STIM1: variants seen among roughly 807,000 people sequenced by gnomAD.
STIM1 encodes the protein stromal interaction molecule 1.
A neutral mutation model predicts 74.7 loss-of-function variants in STIM1; 25 were observed. The observed-to-expected ratio is 0.33, with a 90% CI of 0.24 to 0.47. The LOEUF (loss-of-function observed/expected upper bound fraction) is 0.47, where lower values mean the gene tolerates loss of function less well. Ranked by LOEUF, STIM1 falls within the 20% of genes least tolerant of loss-of-function variation. The pLI is 1.00. For missense variants in STIM1, 728 were observed against 920.8 expected, an observed-to-expected ratio of 0.79 and a Z score of 2.71; for synonymous variants, 328 against 348.8, an observed-to-expected ratio of 0.94 and a Z score of 0.66.
intron 1 of STIM1, among the ~76,000 whole-genome samples, chr11:3,865,328 C>A (rs1026836057): frequency 6.6e-6 from 1 of 152,168 alleles, no homozygotes; most frequent in East Asian, 1.9e-4. Flanking sequence ...GATTCTCATT[C>A]ATATGTTGTT....
chr11:4,016,551 C>T (rs191754874), intron 2 of STIM1, among the ~76,000 whole-genome samples: 24 of 152,332 alleles, frequency 1.6e-4, no homozygotes, highest in African/African-American at 4.8e-4. Context: ...GGAGCTCAAA[C>T]GCTGTGCTGG....
At chr11:3,927,713 G>A (rs2092805887) in intron 1 of STIM1, among the ~76,000 whole-genome samples, 1 of 152,166 alleles carries the variant, frequency 6.6e-6, no homozygotes, top group Admixed American at 6.5e-5. Flanking sequence ...TGGAAGCAGA[G>A]GCATCCTGAT....
chr11:3,893,961 G>A (rs532596777), intron 1 of STIM1, among the ~76,000 whole-genome samples: 1 of 152,180 alleles, frequency 6.6e-6, no homozygotes, highest in South Asian at 2.1e-4. Flanking sequence ...TGTATTTTTT[G>A]TAGAGATGGG....
chr11:3,907,676 G>A (rs1284404443), intron 1 of STIM1, among the ~76,000 whole-genome samples: 2 of 152,134 alleles, frequency 1.3e-5, no homozygotes, highest in Non-Finnish European at 2.9e-5. Context: ...AAATTGTTCA[G>A]TGGCTTTACA....
chr11:3,941,193 A>G (rs7941743), intron 1 of STIM1, among the ~76,000 whole-genome samples: 11,503 of 152,234 alleles, frequency 0.076, 785 homozygotes, highest in East Asian at 0.18. Context: ...TGCCTCTACT[A>G]ATGAACTCTG....
intron 1 of STIM1, among the ~76,000 whole-genome samples, chr11:3,878,273 G>T (rs2091372183): frequency 6.6e-6 from 1 of 152,104 alleles, no homozygotes; most frequent in South Asian, 2.1e-4. Flanking sequence ...CTCTAGGCTA[G>T]GTGCTTTACA....
Position 3,932,113 on chromosome 11 carries a change from C to T in STIM1, c.140-35439C>T, listed in dbSNP as rs957408663. Among the ~76,000 whole-genome samples, 40 of 152,196 alleles carry T rather than the reference C, an allele frequency of 2.6e-4. 2 individuals are homozygous for T. Among genetic ancestry groups the T allele is most frequent in the Non-Finnish European group, 1.0e-4 (7 of 68,032 alleles). The stretch of plus-strand genomic sequence containing the variant: ...AAGGCAGATACCTTGTTCAGCCCGC[C>T]ACTACTGGACCATATCTGTACATAA... On this transcript the variant is annotated intron_variant, in intron 1 of 12. Coordinates refer to ENST00000526596, the MANE Select transcript of STIM1 (RefSeq NM_001382567.1).
At chr11:3,933,309 C>A (rs564356967) in intron 1 of STIM1, among the ~76,000 whole-genome samples, 1 of 152,328 alleles carries the variant, frequency 6.6e-6, no homozygotes, top group African/African-American at 2.4e-5. Context: ...GTTATTGAAA[C>A]ATGGACTGTG....
intron 3 of STIM1, among the ~76,000 whole-genome samples, chr11:4,027,865 A>T (rs1373694475): frequency 6.6e-6 from 1 of 152,120 alleles, no homozygotes; most frequent in African/African-American, 2.4e-5. Context: ...GTGGCTGGGT[A>T]GTTTTGTAGA....
chr11:3,943,866 G>A (rs2093040242), intron 1 of STIM1, among the ~76,000 whole-genome samples: 1 of 152,206 alleles, frequency 6.6e-6, no homozygotes, highest in Non-Finnish European at 1.5e-5. Flanking sequence ...ATGACTTAAA[G>A]AAAACAAATT....
chr11:3,973,145 C>G (rs1565132833), intron 2 of STIM1: 3 of 413,186 alleles, frequency 7.3e-6, no homozygotes, highest in Non-Finnish European at 4.8e-6. Context: ...TCTATAACCA[C>G]TGTTGTTACC....
chr11:3,895,612 T>TTCTCTTTCTTTC (rs71047184), intron 1 of STIM1, among the ~76,000 whole-genome samples: 16 of 32,272 alleles, frequency 5.0e-4, no homozygotes, highest in South Asian at 3.6e-3. Flanking sequence ...TTCTCTCTCT[T>TTCTCTTTCTTTC]TCTTTCTTTC....
chr11:4,086,739 C>T (rs534741528), intron 12 of STIM1, 196 bp downstream of exon 12: 32 of 1,537,564 alleles, frequency 2.1e-5, no homozygotes, highest in Admixed American at 1.4e-4. Context: ...CCTTCACCAC[C>T]GTCCATGTCC....
chr11:4,074,439 C>A, intron 6 of STIM1, 63 bp from the exon 7 acceptor site: 2 of 1,590,274 alleles, frequency 1.3e-6, no homozygotes, highest in South Asian at 1.1e-5. Flanking sequence ...TGCCATGACT[C>A]ATGGCATGTT....
chr11:3,937,134 T>C (rs1269455772), intron 1 of STIM1, among the ~76,000 whole-genome samples: 4 of 151,508 alleles, frequency 2.6e-5, no homozygotes, highest in African/African-American at 7.3e-5. Flanking sequence ...CTACAAAAAA[T>C]ACAAAAATTA....
intron 1 of STIM1, among the ~76,000 whole-genome samples, chr11:3,963,861 T>C (rs1590605642): frequency 6.6e-6 from 1 of 152,174 alleles, no homozygotes; most frequent in Non-Finnish European, 1.5e-5. Context: ...ACTGGTCAGG[T>C]TGATTGGATT....
At chr11:3,884,061 A>T (rs2091616285) in intron 1 of STIM1, among the ~76,000 whole-genome samples, 1 of 152,054 alleles carries the variant, frequency 6.6e-6, no homozygotes, top group Non-Finnish European at 1.5e-5. Context: ...AGGGCAAAGG[A>T]TTAGAGAGTG....
intron 1 of STIM1, among the ~76,000 whole-genome samples, chr11:3,910,837 A>AAT (rs1554956172): frequency 4.0e-5 from 6 of 148,468 alleles, no homozygotes; most frequent in African/African-American, 7.4e-5. Flanking sequence ...AAAAAAAAAA[A>AAT]TATCCGGGCG....
chr11:4,054,624 GA>G (rs1384732613), intron 3 of STIM1, among the ~76,000 whole-genome samples: 1 of 152,160 alleles, frequency 6.6e-6, no homozygotes, highest in Non-Finnish European at 1.5e-5. Context: ...GATGCCTGAT[GA>G]TCTAGGTGGA....
Sources: gnomAD v4.1 joint callset for allele counts (sites outside exome capture counted in the v4.1 genomes callset) on GRCh38, gnomAD v4.1.1 for gene constraint, MANE v1.5 for transcripts, NCBI Gene and HGNC (gene_info 2026-07-23, HGNC 2026-07-21) for gene names.